LCORL: variants seen among roughly 807,000 people sequenced by gnomAD.
LCORL encodes ligand dependent nuclear receptor corepressor like.
Under a neutral mutation model 141.8 loss-of-function variants are expected in LCORL, and 41 were observed. The observed-to-expected ratio is 0.29, with a 90% CI of 0.23 to 0.38. The LOEUF (loss-of-function observed/expected upper bound fraction) is 0.38. Ranked by LOEUF, LCORL falls within the 10% of genes least tolerant of loss-of-function variation. The pLI is 1.00. For missense variants in LCORL, 1,759 were observed against 2,035.0 expected (o/e 0.86, Z 2.61); for synonymous variants, 618 against 694.1 (o/e 0.89, Z 1.72).
rs546846050 is a variant in LCORL, at chr4:17,986,868, T to C, written c.155-13983A>G. ...GGGTAACAATTATCAAATTCATAAA[T>C]TACAAACATTCCCAATTATGACTAC... On this transcript the variant is annotated intron_variant, in intron 1 of 7. Transcript: ENST00000635767. Among the ~76,000 whole-genome samples, 54 of 152,338 alleles carry C rather than the reference T, an allele frequency of 3.5e-4. No individual in the cohort carries two copies. In the South Asian group the frequency reaches 0.01, roughly 29 times the overall value.
intron 6 of LCORL, among the ~76,000 whole-genome samples, chr4:17,879,133 G>T (rs1436265348): frequency 1.3e-5 from 2 of 150,820 alleles, no homozygotes; most frequent in African/African-American, 4.9e-5. Flanking sequence ...TTTAAGGTTG[G>T]AATAATGCTG....
chr4:17,865,959 C>T (rs1050841632), intron 7 of LCORL, among the ~76,000 whole-genome samples: 2 of 152,220 alleles, frequency 1.3e-5, no homozygotes, highest in African/African-American at 4.8e-5. Flanking sequence ...TCTTCCCTGT[C>T]CACTTCCAAT....
intron 5 of LCORL, among the ~76,000 whole-genome samples, chr4:17,888,325 C>T (rs1577334050): frequency 6.6e-6 from 1 of 152,028 alleles, no homozygotes; most frequent in Non-Finnish European, 1.5e-5. Context: ...TTATTAAATA[C>T]AGTTTATTGC....
chr4:17,866,990 T>TG, intron 7 of LCORL: 1 of 985,174 alleles, frequency 1.0e-6, no homozygotes, highest in Non-Finnish European at 1.2e-6. Context: ...GGGTGACCCT[T>TG]GAACTTACCT....
At chr4:17,912,844 G>A (rs1732798914) in intron 4 of LCORL, 2 of 435,942 alleles carry the variant, frequency 4.6e-6, no homozygotes, top group Admixed American at 5.4e-5. Context: ...GCTGGAAGAT[G>A]GCGAGGACTT....
At chr4:17,930,367 TG>T in intron 4 of LCORL, among the ~76,000 whole-genome samples, 1 of 152,328 alleles carries the variant, frequency 6.6e-6, no homozygotes, top group African/African-American at 2.4e-5. Flanking sequence ...AGTTTTCTAC[TG>T]TTTAATTGCA....
At chr4:17,900,365 C>T (rs1577365443) in intron 5 of LCORL, among the ~76,000 whole-genome samples, 1 of 152,198 alleles carries the variant, frequency 6.6e-6, no homozygotes, top group South Asian at 2.1e-4. Context: ...TATATTCCTG[C>T]CCTGAGTTTT....
At chr4:17,992,010 G>A (rs980358896) in intron 1 of LCORL, among the ~76,000 whole-genome samples, 1 of 152,128 alleles carries the variant, frequency 6.6e-6, no homozygotes, top group African/African-American at 2.4e-5. Flanking sequence ...CTGATGACAA[G>A]TAATCATACT....
exon 7 of LCORL, chr4:17,877,838 T>C: frequency 8.1e-7 from 1 of 1,230,742 alleles, no homozygotes; most frequent in Non-Finnish European, 1.0e-6. Context: ...CTCTATTCAC[T>C]ACTGGCTTAA....
At chr4:17,992,788 G>GGT (rs1020083915) in intron 1 of LCORL, among the ~76,000 whole-genome samples, 1 of 152,088 alleles carries the variant, frequency 6.6e-6, no homozygotes, top group African/African-American at 2.4e-5. Flanking sequence ...CTCATGTGCT[G>GGT]GTAAATCCAA....
chr4:17,923,032 CT>C (rs1181208140), intron 4 of LCORL, among the ~76,000 whole-genome samples: 1 of 152,178 alleles, frequency 6.6e-6, no homozygotes, highest in Non-Finnish European at 1.5e-5. Flanking sequence ...CCCAACACCC[CT>C]GTTTGCTTCT....
At chr4:17,877,964 C>A in exon 7 of LCORL, 1 of 1,230,590 alleles carries the variant, frequency 8.1e-7, no homozygotes, top group Non-Finnish European at 1.0e-6. Flanking sequence ...TTTCTGCCAG[C>A]CTATATTCAC....
At chr4:18,000,395 G>A (rs976571006) in intron 1 of LCORL, among the ~76,000 whole-genome samples, 2 of 152,218 alleles carry the variant, frequency 1.3e-5, no homozygotes, top group Admixed American at 1.3e-4. Context: ...GCTAAGAAAG[G>A]ATTCCTGGAA....
chr4:17,939,675 A>G (rs1368967534), intron 4 of LCORL, among the ~76,000 whole-genome samples: 1 of 152,124 alleles, frequency 6.6e-6, no homozygotes, highest in Non-Finnish European at 1.5e-5. Context: ...AACACAGCAG[A>G]AAAAAGAACA....
At chr4:17,941,784 A>G (rs748015365) in intron 4 of LCORL, among the ~76,000 whole-genome samples, 1 of 152,146 alleles carries the variant, frequency 6.6e-6, no homozygotes, top group Admixed American at 6.5e-5. Flanking sequence ...TCTCTGCACA[A>G]TAGTCTGAGT....
intron 1 of LCORL, among the ~76,000 whole-genome samples, chr4:18,004,388 G>GA (rs1250688871): frequency 6.6e-6 from 1 of 152,194 alleles, no homozygotes; most frequent in African/African-American, 2.4e-5. Flanking sequence ...AGTCATGGCA[G>GA]AAGGTGTAAG....
At chr4:17,861,227 G>A (rs1056046544) in intron 7 of LCORL, among the ~76,000 whole-genome samples, 9 of 152,334 alleles carry the variant, frequency 5.9e-5, no homozygotes, top group African/African-American at 1.4e-4. Flanking sequence ...TCTTTTGCCT[G>A]GGCATCCAGG....
chr4:17,862,433 C>T lies in LCORL; in HGVS notation c.5602+10955G>A, dbSNP rs143143027. Among the ~76,000 whole-genome samples the T allele has an allele frequency of 5.3e-3, 800 of 152,238 alleles. 6 individuals are homozygous for T. Among genetic ancestry groups the T allele is most frequent in the African/African-American group, 0.018 (733 of 41,542 alleles). On this transcript the variant is annotated intron_variant, in intron 7 of 7. Transcript: ENST00000635767. ...CTCCCACCAGGTCCCTCCCACAACA[C>T]GTGGGAATTCAAGATGAAATTTGAG...
chr4:17,951,194 G>A (rs1484282577), intron 4 of LCORL, among the ~76,000 whole-genome samples: 1 of 151,942 alleles, frequency 6.6e-6, no homozygotes, highest in East Asian at 1.9e-4. Context: ...TTTAAAAATT[G>A]CCTTATTTAT....
Sources: gnomAD v4.1 joint callset for allele counts (sites outside exome capture counted in the v4.1 genomes callset) on GRCh38, gnomAD v4.1.1 for gene constraint, MANE v1.5 for transcripts, NCBI Gene and HGNC (gene_info 2026-07-23, HGNC 2026-07-21) for gene names.